Variants in SDK2 observed in about 807,000 individuals in gnomAD.
The protein encoded by SDK2 is sidekick cell adhesion molecule 2, also known as protein sidekick-2.
In SDK2, 105 loss-of-function variants were observed where a neutral mutation model predicts 253.9. The ratio of observed to expected loss-of-function variants is 0.41; its 90% CI spans 0.35 to 0.49. SDK2 has a LOEUF of 0.49. Ranked by LOEUF, SDK2 falls within the 20% of genes least tolerant of loss-of-function variation. The probability of loss-of-function intolerance (pLI) is 0.06; values close to 1 mark genes in which losing one functional copy is unlikely to be tolerated. For missense variants in SDK2, 2,608 were observed against 3,003.0 expected (o/e 0.87, Z 3.07); for synonymous variants, 1,249 against 1,234.9 (o/e 1.01, Z -0.24).
At position 73,600,982 on chromosome 17, in the gene SDK2, C is replaced by G. The variant is rs182698648; in HGVS notation, c.64+43043G>C. Reference sequence around the variant, plus strand: ...AAGAGAGGCCTCAGGGCCTTTGGTGCCTTTATGAATGATCTTTTCATTTTA... The same window carrying G: ...AAGAGAGGCCTCAGGGCCTTTGGTGGCTTTATGAATGATCTTTTCATTTTA... On this transcript the variant is annotated intron_variant, in intron 1 of 44. Transcript: ENST00000392650. Among the ~76,000 whole-genome samples the G allele has an allele frequency of 9.8e-3, 1,497 of 152,054 alleles. 14 individuals are homozygous for G. Among genetic ancestry groups the G allele is most frequent in the Non-Finnish European group, 0.014 (963 of 68,004 alleles).
chr17:73,382,858 GACA>G lies in SDK2; in HGVS notation c.4705+1015_4705+1017del, dbSNP rs1335456139. Among the ~76,000 whole-genome samples the G allele has an allele frequency of 1.1e-4, 16 of 142,938 alleles. No individual in the cohort carries two copies. The East Asian group carries it at 2.7e-3, about 24-fold the overall frequency. 93.8% of individuals were successfully genotyped at this position (142,938 alleles called of 152,430 possible). A position where few individuals can be genotyped will look rare whatever the true frequency, so the allele number is the denominator to read the frequency against. The stretch of plus-strand genomic sequence containing the variant: ...CTCTACTAACAACAACAACAACAAC[GACA>G]ACAACAACAACGACAACATTAGCTG... On this transcript the variant is annotated intron_variant, in intron 33 of 44. Coordinates refer to ENST00000392650, the MANE Select transcript of SDK2 (RefSeq NM_001144952.2).
At chr17:73,487,581 C>A (rs567033623) in intron 2 of SDK2, among the ~76,000 whole-genome samples, 1 of 152,186 alleles carries the variant, frequency 6.6e-6, no homozygotes, top group African/African-American at 2.4e-5. Context: ...CACCTGGGAG[C>A]GGGTCAGAAA....
chr17:73,431,664 G>T lies in SDK2; in HGVS notation c.1318C>A (p.Arg440Ser), dbSNP rs145196996. 7 of 1,607,054 alleles carry T rather than the reference G, an allele frequency of 4.4e-6. 1 individual carries two copies. In the Middle Eastern group the frequency reaches 7.2e-4, roughly 164 times the overall value. Residue 440 changes from arginine (R) to serine (S), a missense_variant, in exon 11 of 45, where the codon CGC (arginine) becomes AGC (serine). Around this residue, in one of 2 missense-constraint regions of SDK2, gnomAD observed 1,505 missense variants for 1,859.1 expected, o/e 0.81. Transcript: ENST00000392650. This position sits in a 1 kb window ranked among gnomAD's most constrained non-coding sequence, Gnocchi z 5.6. ...RPAITWQKGERILASGSVQLP... is the reference protein window; with the variant it reads ...RPAITWQKGESILASGSVQLP... Reference sequence around the variant, plus strand: ...TGCACAGAGCCACTGGCCAAGATGCGCTCCCCTGAGGGCAAAACAGGGTGG... The same window carrying T: ...TGCACAGAGCCACTGGCCAAGATGCTCTCCCCTGAGGGCAAAACAGGGTGG...
intron 18 of SDK2, among the ~76,000 whole-genome samples, chr17:73,408,383 AT>A (rs538704048): frequency 9.0e-4 from 16 of 17,836 alleles, no homozygotes; most frequent in African/African-American, 1.9e-3. Flanking sequence ...GCGCCTGGCT[AT>A]TTTTTTTTTT....
At chr17:73,515,298 G>A (rs2145775603) in intron 1 of SDK2, among the ~76,000 whole-genome samples, 1 of 152,292 alleles carries the variant, frequency 6.6e-6, no homozygotes, top group East Asian at 1.9e-4. Flanking sequence ...AGCACCAGGG[G>A]TGGTGAGAGG....
At chr17:73,471,288 C>T (rs553071067) in intron 3 of SDK2, among the ~76,000 whole-genome samples, 4 of 152,160 alleles carry the variant, frequency 2.6e-5, no homozygotes, top group East Asian at 1.9e-4. Context: ...CAGGGTTGAG[C>T]GAGTTGGAGG....
intron 12 of SDK2, 143 bp downstream of exon 12, chr17:73,430,368 A>G (rs887889023): frequency 3.2e-6 from 2 of 634,004 alleles, no homozygotes; most frequent in Admixed American, 2.7e-5. Context: ...TCAGCCCTGC[A>G]CTCAGCTCTG....
intron 1 of SDK2, among the ~76,000 whole-genome samples, chr17:73,626,182 C>A (rs1302310365): frequency 6.6e-6 from 1 of 152,236 alleles, no homozygotes; most frequent in Non-Finnish European, 1.5e-5. Context: ...GGAGGAAGGA[C>A]CTTCTGAGAG....
chr17:73,408,641 G>A (rs2063100820), intron 18 of SDK2, among the ~76,000 whole-genome samples: 1 of 152,210 alleles, frequency 6.6e-6, no homozygotes, highest in South Asian at 2.1e-4. Context: ...CCACAGGGAT[G>A]CAATCAGCGA....
chr17:73,624,680 G>A (rs2046178734), intron 1 of SDK2, among the ~76,000 whole-genome samples: 2 of 152,210 alleles, frequency 1.3e-5, no homozygotes, highest in Admixed American at 1.3e-4. Context: ...GTTTCTGCAT[G>A]TTTAGCAACC....
At chr17:73,527,495 G>T (rs1453561687) in intron 1 of SDK2, among the ~76,000 whole-genome samples, 2 of 152,172 alleles carry the variant, frequency 1.3e-5, no homozygotes, top group Admixed American at 1.3e-4. Context: ...ACTGGAGGGG[G>T]ACTCCTATGG....
chr17:73,441,613 C>T (rs574728519), intron 5 of SDK2, among the ~76,000 whole-genome samples: 35 of 152,274 alleles, frequency 2.3e-4, no homozygotes, highest in Admixed American at 1.7e-3. Context: ...TGGCCACCAC[C>T]GGAAGCCAGG....
intron 36 of SDK2, 80 bp from the exon 37 acceptor site, chr17:73,368,673 A>C: frequency 1.6e-6 from 2 of 1,232,180 alleles, no homozygotes; most frequent in East Asian, 2.7e-5. Context: ...CTGTAGTCTC[A>C]GAGACACCTT....
intron 1 of SDK2, among the ~76,000 whole-genome samples, chr17:73,601,463 G>A (rs952608213): frequency 6.6e-6 from 1 of 152,128 alleles, no homozygotes; most frequent in Non-Finnish European, 1.5e-5. Flanking sequence ...TCTGAATTAC[G>A]GTGAACTCTA....
chr17:73,452,808 G>T (rs971277411), intron 4 of SDK2, among the ~76,000 whole-genome samples: 1 of 152,188 alleles, frequency 6.6e-6, no homozygotes, highest in Non-Finnish European at 1.5e-5. Context: ...AATAGGCCAT[G>T]GGAAATAACC....
chr17:73,453,395 G>C (rs1421208182), intron 4 of SDK2, among the ~76,000 whole-genome samples: 1 of 114,050 alleles, frequency 8.8e-6, no homozygotes, highest in South Asian at 3.2e-4. Flanking sequence ...CTTTTTTTTT[G>C]AGATGGAGTC....
chr17:73,550,581 T>C (rs2045039309), intron 1 of SDK2, among the ~76,000 whole-genome samples: 1 of 151,950 alleles, frequency 6.6e-6, no homozygotes. Context: ...TTTGACCGTC[T>C]CCCATTCCCC....
chr17:73,622,068 T>C (rs549831543), intron 1 of SDK2, among the ~76,000 whole-genome samples: 7 of 152,294 alleles, frequency 4.6e-5, no homozygotes, highest in African/African-American at 1.7e-4. Context: ...ATTAGACAAT[T>C]GGTACAGACC....
chr17:73,372,883 T>C (rs893088256), intron 36 of SDK2, among the ~76,000 whole-genome samples: 1 of 152,250 alleles, frequency 6.6e-6, no homozygotes, highest in Non-Finnish European at 1.5e-5. Flanking sequence ...ATGTTCATCA[T>C]CTTTTTGTGG....
Sources: allele counts gnomAD v4.1 joint callset (sites outside exome capture counted in the v4.1 genomes callset), GRCh38; gene constraint gnomAD v4.1.1; regional missense constraint gnomAD v4.1.1; non-coding constraint Gnocchi (gnomAD v3.1); transcripts MANE v1.5; gene names NCBI Gene and HGNC (gene_info 2026-07-23, HGNC 2026-07-21).